CTNNBL1: variants seen among roughly 807,000 people sequenced by gnomAD.
CTNNBL1 encodes the protein catenin beta like 1.
CTNNBL1 carries 31 observed loss-of-function variants against 72.7 expected under a neutral mutation model. That is an observed-to-expected ratio of 0.43 (90% CI 0.32 to 0.58). The LOEUF is 0.58. CTNNBL1 is among the 20% of genes least tolerant of loss of function. The pLI, the probability that CTNNBL1 is intolerant of heterozygous loss-of-function variation, is 0.08. For missense variants in CTNNBL1, 534 were observed against 725.1 expected, an observed-to-expected ratio of 0.74 and a Z score of 3.03; for synonymous variants, 240 against 267.3, an observed-to-expected ratio of 0.90 and a Z score of 1.00.
At chr20:37,761,570 TA>T (rs1369884584) in intron 5 of CTNNBL1, among the ~76,000 whole-genome samples, 5 of 152,372 alleles carry the variant, frequency 3.3e-5, no homozygotes, top group Non-Finnish European at 7.3e-5. Context: ...ATTTGTTCAC[TA>T]AATGTTTATT....
intron 7 of CTNNBL1, among the ~76,000 whole-genome samples, chr20:37,768,549 G>T (rs2073492675): frequency 6.6e-6 from 1 of 152,196 alleles, no homozygotes; most frequent in Non-Finnish European, 1.5e-5. Context: ...GTTATAAACA[G>T]TGCGGCTGTG....
intron 11 of CTNNBL1, among the ~76,000 whole-genome samples, chr20:37,805,407 T>C (rs1270677783): frequency 8.6e-6 from 1 of 116,122 alleles, no homozygotes; most frequent in Non-Finnish European, 1.7e-5. Flanking sequence ...TTTTTTTTTT[T>C]CCTTTTTTTT....
intron 5 of CTNNBL1, among the ~76,000 whole-genome samples, chr20:37,762,105 T>C (rs953266502): frequency 1.3e-5 from 2 of 152,154 alleles, no homozygotes. Flanking sequence ...ATCTAGCTGC[T>C]GTGTGGATAA....
chr20:37,802,267 A>G (rs2073829070), intron 10 of CTNNBL1, among the ~76,000 whole-genome samples: 1 of 152,226 alleles, frequency 6.6e-6, no homozygotes, highest in African/African-American at 2.4e-5. Context: ...CACATAATAT[A>G]TGGTATCTAC....
chr20:37,824,827 T>C (rs543255854), intron 11 of CTNNBL1, among the ~76,000 whole-genome samples: 148 of 152,324 alleles, frequency 9.7e-4, no homozygotes, highest in African/African-American at 3.5e-3. Flanking sequence ...AGATGGCTAC[T>C]AGAGCTCCAG....
intron 1 of CTNNBL1, among the ~76,000 whole-genome samples, chr20:37,732,231 G>A (rs190473310): frequency 6.6e-5 from 10 of 152,218 alleles, no homozygotes; most frequent in African/African-American, 2.2e-4. Flanking sequence ...GTCTATTTAG[G>A]TCCTTTGCCC....
At chr20:37,834,584 A>G (rs992048622) in intron 11 of CTNNBL1, among the ~76,000 whole-genome samples, 8 of 152,178 alleles carry the variant, frequency 5.3e-5, no homozygotes, top group African/African-American at 1.7e-4. Context: ...CAGGCTTTGC[A>G]TGGTCTCATT....
At position 37,706,648 on chromosome 20, in the gene CTNNBL1, C is replaced by T. The variant is rs576619391; in HGVS notation, c.30+12496C>T. Among the ~76,000 whole-genome samples the T allele has an allele frequency of 5.2e-4, 79 of 152,292 alleles. No individual in the cohort carries two copies. In the South Asian group the frequency reaches 0.015, roughly 28 times the overall value. ...ATCTTGAACCCCTCAAAGACATCCA[C>T]GAGGATTGGAATCAACTTCTTCTAA... On this transcript the variant is annotated intron_variant, in intron 1 of 15. Coordinates refer to ENST00000361383, the MANE Select transcript of CTNNBL1 (RefSeq NM_030877.5).
At chr20:37,859,357 C>CA (rs1213162547) in intron 13 of CTNNBL1, among the ~76,000 whole-genome samples, 2,230 of 110,412 alleles carry the variant, frequency 0.02, 57 homozygotes, top group African/African-American at 0.064. Flanking sequence ...AACTCCATCT[C>CA]AAAAAAAAAA....
intron 10 of CTNNBL1, among the ~76,000 whole-genome samples, chr20:37,789,074 A>C (rs2073702399): frequency 6.6e-6 from 1 of 152,220 alleles, no homozygotes; most frequent in South Asian, 2.1e-4. Flanking sequence ...CTGTGAAGAA[A>C]GCAGCGGGTA....
At chr20:37,769,695 A>G (rs191939265) in intron 7 of CTNNBL1, among the ~76,000 whole-genome samples, 99 of 152,338 alleles carry the variant, frequency 6.5e-4, no homozygotes, top group Non-Finnish European at 5.0e-4. Context: ...AACTGCTTAT[A>G]TGCTATTGAA....
At position 37,747,199 on chromosome 20, in the gene CTNNBL1, G is replaced by A. The variant is rs558643647; in HGVS notation, c.466+592G>A. On this transcript the variant is annotated intron_variant, in intron 4 of 15. Transcript: ENST00000361383. ...TTGAGACCACCCTGGCCAACATAGCGAAACCCTATCTCTAAAAATATAAAA... is the reference window on the plus strand; with the variant it reads ...TTGAGACCACCCTGGCCAACATAGCAAAACCCTATCTCTAAAAATATAAAA... 3.3e-5 allele frequency among the ~76,000 whole-genome samples: 5 copies of A among 152,104 alleles called. No homozygotes were observed. In the East Asian group the frequency reaches 7.7e-4, roughly 24 times the overall value.
intron 2 of CTNNBL1, 50 bp downstream of exon 2, chr20:37,733,117 G>A (rs776772320): frequency 1.2e-5 from 18 of 1,540,470 alleles, no homozygotes; most frequent in Admixed American, 8.8e-5. Context: ...CCTGTAAAAC[G>A]TAATTTTGGG....
At chr20:37,835,713 T>A (rs980674728) in intron 11 of CTNNBL1, among the ~76,000 whole-genome samples, 2 of 152,230 alleles carry the variant, frequency 1.3e-5, no homozygotes, top group Non-Finnish European at 2.9e-5. Flanking sequence ...CAGCATTGCT[T>A]CTAATAGCAA....
In CTNNBL1 at chr20:37,777,658, C is replaced by T; in HGVS notation, c.828C>T (p.Asn276=). The T allele has an allele frequency of 6.2e-7, 1 of 1,613,276 alleles. No homozygotes were observed. Among genetic ancestry groups the T allele is most frequent in the Non-Finnish European group, 8.5e-7 (1 of 1,179,490 alleles). ...LAILLQDNDE[N]RELLGELDGI... is the part of the protein sequence containing the mutation. ...CTCTATTTTTTTCCCCTTTAGAAAA[C>T]AGGGAATTGCTTGGGGAGCTGGATG... is the stretch of plus-strand genomic sequence containing the variant. The change falls in exon 9 of 16, where the codon AAC becomes AAT. Residue 276 remains asparagine (N), a synonymous_variant. Coordinates refer to ENST00000361383, the MANE Select transcript of CTNNBL1 (RefSeq NM_030877.5).
At chr20:37,780,976 A>G (rs1187932491) in intron 10 of CTNNBL1, among the ~76,000 whole-genome samples, 1 of 152,196 alleles carries the variant, frequency 6.6e-6, no homozygotes, top group East Asian at 1.9e-4. Flanking sequence ...CTGGAGGCAC[A>G]GTAGACCTCT....
At chr20:37,856,823 T>C (rs1164628363) in intron 13 of CTNNBL1, among the ~76,000 whole-genome samples, 1 of 152,150 alleles carries the variant, frequency 6.6e-6, no homozygotes, top group Non-Finnish European at 1.5e-5. Context: ...GTTTGTGACT[T>C]CCACCGACCT....
chr20:37,834,105 T>G (rs926394), intron 11 of CTNNBL1, among the ~76,000 whole-genome samples: 124,531 of 152,070 alleles, frequency 0.82, 51,040 homozygotes, highest in Middle Eastern at 0.89. Context: ...CTCCAGACTG[T>G]GGTGAGCCGT....
chr20:37,802,778 A>T, intron 10 of CTNNBL1, 89 bp from the exon 11 acceptor site: 1 of 1,025,936 alleles, frequency 9.7e-7, no homozygotes, highest in Non-Finnish European at 1.4e-6. Context: ...TTAGATGTAT[A>T]ATGTGTACGG....
Sources: allele counts gnomAD v4.1 joint callset (sites outside exome capture counted in the v4.1 genomes callset), GRCh38; gene constraint gnomAD v4.1.1; transcripts MANE v1.5; gene names NCBI Gene and HGNC (gene_info 2026-07-23, HGNC 2026-07-21).